Variants in IDNK observed in about 807,000 individuals in gnomAD.
IDNK encodes the protein gluconokinase.
A neutral mutation model predicts 13.0 loss-of-function variants in IDNK; 9 were observed. The ratio of observed to expected loss-of-function variants is 0.69; its 90% CI spans 0.42 to 1.21. IDNK has a LOEUF of 1.21. Among genes scored for constraint, IDNK ranks in the 50% most tolerant of loss-of-function variants. The probability of loss-of-function intolerance (pLI) is 0.00; values close to 1 mark genes in which losing one functional copy is unlikely to be tolerated. For missense variants in IDNK, 210 were observed against 237.8 expected, an observed-to-expected ratio of 0.88 and a Z score of 0.77; for synonymous variants, 92 against 94.9, an observed-to-expected ratio of 0.97 and a Z score of 0.18.
chr9:83,643,385 CTCCT>C, intron 4 of IDNK, 40 bp from the exon 5 acceptor site: 1 of 1,482,588 alleles, frequency 6.7e-7, no homozygotes, highest in Non-Finnish European at 9.1e-7. Context: ...TTTAAATGTC[CTCCT>C]TCTTTAGCCT....
chr9:83,629,097 A>G (rs544512698), intron 3 of IDNK, 138 bp downstream of exon 3: 1 of 704,912 alleles, frequency 1.4e-6, no homozygotes, highest in Non-Finnish European at 2.6e-6. Flanking sequence ...TGCCCAGTAG[A>G]TCCTCTACAT....
At chr9:83,629,573 T>C (rs980900074) in intron 3 of IDNK, among the ~76,000 whole-genome samples, 3 of 152,194 alleles carry the variant, frequency 2.0e-5, no homozygotes, top group African/African-American at 7.2e-5. Flanking sequence ...CATGGGGCCT[T>C]TGTATCCCTG....
intron 1 of IDNK, chr9:83,623,442 C>G: frequency 3.6e-6 from 2 of 548,422 alleles, no homozygotes; most frequent in South Asian, 4.1e-5. Flanking sequence ...CTCCGGGTTC[C>G]CGCTCTAAGA....
rs1010586329 is a variant in IDNK, at chr9:83,643,638, A to G, written c.422A>G (p.His141Arg). 22 of 1,613,970 alleles carry G rather than the reference A, an allele frequency of 1.4e-5. No homozygotes were observed. The highest frequency in any genetic ancestry group is 1.9e-5 in the Non-Finnish European group (22 of 1,180,026). ...ISGRLLKREG[H>R]FMPPELLQSQ... ...GGACGCTTACTCAAAAGAGAGGGAC[A>G]TTTTATGCCCCCTGAATTATTGCAG... Residue 141 changes from histidine (H) to arginine (R), a missense_variant, in exon 5 of 5, where the codon CAT (histidine) becomes CGT (arginine). By Grantham distance (29) the His-to-Arg change is conservative. Coordinates refer to ENST00000376419, the MANE Select transcript of IDNK (RefSeq NM_001001551.4).
chr9:83,626,658 C>T, intron 1 of IDNK: 3 of 1,229,222 alleles, frequency 2.4e-6, no homozygotes, highest in Non-Finnish European at 3.2e-6. Context: ...CTCAAGTGAT[C>T]CGCCTGCCTC....
At chr9:83,638,327 A>G (rs1332839026) in intron 3 of IDNK, among the ~76,000 whole-genome samples, 2 of 152,232 alleles carry the variant, frequency 1.3e-5, no homozygotes, top group African/African-American at 4.8e-5. Flanking sequence ...GGATTAAACA[A>G]TAAACTAGTA....
chr9:83,628,067 T>G, intron 1 of IDNK, 114 bp from the exon 2 acceptor site: 1 of 1,523,054 alleles, frequency 6.6e-7, no homozygotes, highest in Non-Finnish European at 8.8e-7. Flanking sequence ...TACACAGTGA[T>G]TGGTGTTTAA....
At chr9:83,639,369 G>A (rs1831242070) in intron 3 of IDNK, among the ~76,000 whole-genome samples, 1 of 152,048 alleles carries the variant, frequency 6.6e-6, no homozygotes, top group South Asian at 2.1e-4. Context: ...GAAAAGTAAC[G>A]AGCTAGTTGC....
At chr9:83,632,407 G>A (rs1182905522) in intron 3 of IDNK, among the ~76,000 whole-genome samples, 1 of 152,076 alleles carries the variant, frequency 6.6e-6, no homozygotes, top group Non-Finnish European at 1.5e-5. Flanking sequence ...ACTGGGCTGG[G>A]AGTCGGGAGT....
intron 1 of IDNK, among the ~76,000 whole-genome samples, chr9:83,625,204 C>G (rs1265413705): frequency 2.0e-5 from 3 of 152,110 alleles, no homozygotes; most frequent in Admixed American, 6.5e-5. Flanking sequence ...AGAGAGAAGT[C>G]AAGGATGATT....
chr9:83,634,088 C>T (rs1831100541), intron 3 of IDNK, among the ~76,000 whole-genome samples: 1 of 152,130 alleles, frequency 6.6e-6, no homozygotes, highest in Admixed American at 6.5e-5. Flanking sequence ...ACTGGCGCTG[C>T]CTTGGAAAAA....
chr9:83,631,215 G>A lies in IDNK; in HGVS notation c.168+2256G>A, dbSNP rs375484451. On this transcript the variant is annotated intron_variant, in intron 3 of 4. Coordinates refer to ENST00000376419, the MANE Select transcript of IDNK (RefSeq NM_001001551.4). ...TGTCCGTGTCCAAGTCAGAGGCCCT[G>A]GTTCTCCCTTGAGGAAGAGTCTAGG... Among the ~76,000 whole-genome samples, 18 of 152,014 alleles carry A rather than the reference G, an allele frequency of 1.2e-4. No individual in the cohort carries two copies. The East Asian group carries it at 2.5e-3, about 21-fold the overall frequency.
At chr9:83,624,256 C>A (rs534483482) in intron 1 of IDNK, among the ~76,000 whole-genome samples, 1 of 152,252 alleles carries the variant, frequency 6.6e-6, no homozygotes, top group South Asian at 2.1e-4. Flanking sequence ...GTGAAGAGCC[C>A]TAGGTCTTGG....
Position 83,643,711 on chromosome 9 carries a change from C to G in IDNK, c.495C>G (p.Ile165Met). 6.2e-7 allele frequency: 1 copy of G among 1,613,668 alleles called. No homozygotes were observed. Among genetic ancestry groups the G allele is most frequent in the East Asian group, 2.2e-5 (1 of 44,862 alleles). The change falls in exon 5 of 5, where the codon ATC becomes ATG. Residue 165 changes from isoleucine to methionine, a missense_variant. Coordinates refer to ENST00000376419, the MANE Select transcript of IDNK (RefSeq NM_001001551.4). ...CCCCAGCAGCTCCAGAAAACTTTAT[C>G]CAAATAAGTGTGGACAAAAATGTTT... ...LEPPAAPENF[I>M]QISVDKNVSE...
rs1309383613 is a variant in IDNK, at chr9:83,641,537, G to GT, written c.169-4dup. 21 of 1,613,456 alleles carry GT rather than the reference G, an allele frequency of 1.3e-5. No individual in the cohort carries two copies. Among genetic ancestry groups the GT allele is most frequent in the African/African-American group, 2.7e-5 (2 of 74,868 alleles). Reference sequence around the variant, plus strand: ...ACGTTGTGTCTGGGTTTTTGTTTTTGTTTTTTTCAGGACCGGATTCCATGG... The same window carrying GT: ...ACGTTGTGTCTGGGTTTTTGTTTTTGTTTTTTTTCAGGACCGGATTCCATGG... On this transcript the variant is annotated splice_polypyrimidine_tract_variant and intron_variant, in intron 3 of 4. Transcript: ENST00000376419.
At chr9:83,630,343 G>T (rs1382518900) in intron 3 of IDNK, among the ~76,000 whole-genome samples, 1 of 152,122 alleles carries the variant, frequency 6.6e-6, no homozygotes, top group Non-Finnish European at 1.5e-5. Flanking sequence ...TAGTATAATA[G>T]AGTAGTAATA....
At chr9:83,633,784 G>C (rs1831091721) in intron 3 of IDNK, among the ~76,000 whole-genome samples, 1 of 152,236 alleles carries the variant, frequency 6.6e-6, no homozygotes, top group Admixed American at 6.5e-5. Flanking sequence ...AGCAAAGGGA[G>C]TCTTTCTAAC....
intron 3 of IDNK, among the ~76,000 whole-genome samples, chr9:83,634,280 C>T (rs1161509270): frequency 6.6e-6 from 1 of 152,168 alleles, no homozygotes; most frequent in Non-Finnish European, 1.5e-5. Context: ...TTAATCTGGT[C>T]TGCCATAAAT....
At chr9:83,627,922 G>T in intron 1 of IDNK, 1 of 837,700 alleles carries the variant, frequency 1.2e-6, no homozygotes, top group Non-Finnish European at 1.5e-6. Flanking sequence ...GAAAAAACTT[G>T]GGTTTAATGA....
Sources: gnomAD v4.1 joint callset for allele counts (sites outside exome capture counted in the v4.1 genomes callset) on GRCh38, gnomAD v4.1.1 for gene constraint, MANE v1.5 for transcripts, NCBI Gene and HGNC (gene_info 2026-07-23, HGNC 2026-07-21) for gene names.